Variants in ZNF229 observed in about 807,000 individuals in gnomAD.
ZNF229 encodes the protein zinc finger protein 229.
A neutral mutation model predicts 11.8 loss-of-function variants in ZNF229; 10 were observed. The observed-to-expected ratio is 0.85, with a 90% CI of 0.52 to 1.44. The LOEUF (loss-of-function observed/expected upper bound fraction) is 1.44, where lower values mean the gene tolerates loss of function less well. ZNF229 is among the 40% of genes most tolerant of loss of function. The probability of loss-of-function intolerance (pLI) is 0.00; values close to 1 mark genes in which losing one functional copy is unlikely to be tolerated. For synonymous variants in ZNF229, 368 were observed against 374.8 expected (o/e 0.98, Z 0.21); for missense variants, 1,045 against 1,015.1 (o/e 1.03, Z -0.40).
At chr19:44,436,484 A>C (rs998774648) in intron 4 of ZNF229, among the ~76,000 whole-genome samples, 4 of 152,184 alleles carry the variant, frequency 2.6e-5, no homozygotes, top group Non-Finnish European at 4.4e-5. Flanking sequence ...TCTAAATTTC[A>C]AAAGTAGGTG....
In ZNF229 at chr19:44,427,006, A is replaced by C. The variant is rs1017826006; in HGVS notation, c.*1297T>G. On this transcript the variant is annotated 3_prime_UTR_variant, in exon 6 of 6. Transcript: ENST00000614049. Reference sequence around the variant, plus strand: ...AAACTTAGTCATGGCAGAACGCAAAAGAGAAATAAGGACCTTCTTCACAAG... The same window carrying C: ...AAACTTAGTCATGGCAGAACGCAAACGAGAAATAAGGACCTTCTTCACAAG... 1 of 152,126 alleles carries C rather than the reference A, an allele frequency of 6.6e-6. No individual in the cohort carries two copies. Among genetic ancestry groups the C allele is most frequent in the African/African-American group, 2.4e-5 (1 of 41,404 alleles). The allele number at this position is 152,126 out of a possible 1,614,324, so 9.4% of individuals were successfully genotyped here.
chr19:44,440,383 A>C (rs191272440), intron 4 of ZNF229, among the ~76,000 whole-genome samples: 1 of 152,208 alleles, frequency 6.6e-6, no homozygotes. Flanking sequence ...CAGAAGTTAC[A>C]CCATTTATCC....
rs200343443 is a variant in ZNF229, at chr19:44,430,163, G to A, written c.618C>T (p.Leu206=). ...LGDVQERCKN[L]DTEDTVYKCN... ...ATTTATATACTGTGTCTTCTGTGTC[G>A]AGATTTTTACATCTTTCTTGAACAT... Residue 206 remains leucine (L), a synonymous_variant, in exon 6 of 6, where the codon CTC becomes CTT. Coordinates refer to ENST00000614049, the MANE Select transcript of ZNF229 (RefSeq NM_014518.4). The A allele has an allele frequency of 2.0e-4, 328 of 1,613,990 alleles. No individual in the cohort carries two copies. The highest frequency in any genetic ancestry group is 9.7e-4 in the African/African-American group (73 of 74,962).
intron 4 of ZNF229, among the ~76,000 whole-genome samples, chr19:44,441,227 G>C (rs907719601): frequency 1.3e-5 from 2 of 152,076 alleles, no homozygotes; most frequent in South Asian, 4.1e-4. Context: ...AACTTATGGT[G>C]ACGAATCAGA....
In ZNF229 at chr19:44,442,902, T is replaced by A. The variant is rs1600032394; in HGVS notation, c.-55A>T. 1.6e-5 allele frequency: 25 copies of A among 1,604,598 alleles called. No individual in the cohort carries two copies. The East Asian group carries it at 5.3e-4, about 34-fold the overall frequency. On this transcript the variant is annotated 5_prime_UTR_variant, in exon 3 of 6. Transcript: ENST00000614049. ...GCAGCAACTGTATTTATTCTCTGGT[T>A]TTCCTAAGCTGGAGACGCAGAAGAT...
At chr19:44,440,831 C>T (rs1204236913) in intron 4 of ZNF229, among the ~76,000 whole-genome samples, 1 of 151,782 alleles carries the variant, frequency 6.6e-6, no homozygotes, top group African/African-American at 2.4e-5. Context: ...CTCAAGCAAT[C>T]CTCCCACTTC....
intron 2 of ZNF229, among the ~76,000 whole-genome samples, chr19:44,443,521 TAA>T (rs549118652): frequency 1.3e-5 from 2 of 152,276 alleles, no homozygotes; most frequent in South Asian, 4.1e-4. Flanking sequence ...CTACTGAGAA[TAA>T]AGTTTTAAAT....
intron 2 of ZNF229, among the ~76,000 whole-genome samples, chr19:44,446,786 G>A (rs888696558): frequency 6.6e-6 from 1 of 152,132 alleles, no homozygotes; most frequent in Non-Finnish European, 1.5e-5. Context: ...GTGACCTTTG[G>A]TTGCAAAAAG....
rs1599999625 is a variant in ZNF229, at chr19:44,427,236, C to T, written c.*1067G>A. On this transcript the variant is annotated 3_prime_UTR_variant, in exon 6 of 6. Coordinates refer to ENST00000614049, the MANE Select transcript of ZNF229 (RefSeq NM_014518.4). Reference sequence around the variant, plus strand: ...GCCAAACCATATCAGACTGTTTCTACAACCCCCCCCCCCGCCCCCACTGAT... The same window carrying T: ...GCCAAACCATATCAGACTGTTTCTATAACCCCCCCCCCCGCCCCCACTGAT... 1.1e-5 allele frequency: 1 copy of T among 88,386 alleles called. No individual in the cohort carries two copies. The highest frequency in any genetic ancestry group is 2.4e-5 in the Non-Finnish European group (1 of 42,114). 5.5% of individuals were successfully genotyped at this position (88,386 alleles called of 1,614,324 possible).
intron 2 of ZNF229, among the ~76,000 whole-genome samples, chr19:44,445,375 C>T (rs753409166): frequency 6.7e-6 from 1 of 148,576 alleles, no homozygotes; most frequent in Non-Finnish European, 1.5e-5. Context: ...TACTCAAAAC[C>T]TTGCACCAAG....
intron 2 of ZNF229, among the ~76,000 whole-genome samples, chr19:44,447,217 G>T (rs965897672): frequency 6.6e-6 from 1 of 152,194 alleles, no homozygotes; most frequent in African/African-American, 2.4e-5. Flanking sequence ...CTGGCATATA[G>T]TAAGCACTCA....
In ZNF229 at chr19:44,428,786, A is replaced by G; in HGVS notation, c.1995T>C (p.Phe665=). Residue 665 remains phenylalanine (F), a synonymous_variant, in exon 6 of 6, where the codon TTT becomes TTC. Transcript: ENST00000614049. ...PYRCQECGKG[F]RCTSSLHKHQ... ...GTTTGTGAAGGCTTGATGTGCACCT[A>G]AAGCCCTTTCCGCACTCTTGGCATC... The G allele has an allele frequency of 1.2e-6, 2 of 1,612,982 alleles. No individual in the cohort carries two copies. The highest frequency in any genetic ancestry group is 1.3e-5 in the African/African-American group (1 of 74,790).
In ZNF229 at chr19:44,429,940, G is replaced by T; in HGVS notation, c.841C>A (p.Pro281Thr). Residue 281 changes from proline to threonine, a missense_variant, in exon 6 of 6, where the codon CCC becomes ACC. By Grantham distance (38) the Pro-to-Thr change is conservative (BLOSUM62 -1). Coordinates refer to ENST00000614049, the MANE Select transcript of ZNF229 (RefSeq NM_014518.4). ...RNGFRDDADL[P>T]PHPRVPLKEK... ...TTCAAAGGTACTCTTGGATGCGGGG[G>T]AAGGTCTGCATCGTCCCTGAAGCCA... 2 of 1,614,032 alleles carry T rather than the reference G, an allele frequency of 1.2e-6. No individual in the cohort carries two copies.
Position 44,428,981 on chromosome 19 carries a change from G to A in ZNF229, c.1800C>T (p.Tyr600=), listed in dbSNP as rs536903685. The change falls in exon 6 of 6, where the codon TAC becomes TAT. Residue 600 remains tyrosine (Y), a synonymous_variant. Coordinates refer to ENST00000614049, the MANE Select transcript of ZNF229 (RefSeq NM_014518.4). The part of the protein sequence containing the change: ...HQRVHTGERP[Y]VCDVCGKGFI... ...AACCCTTCCCACACACGTCACACACGTAGGGCCTCTCTCCCGTGTGGACCC... is the reference window on the plus strand; with the variant it reads ...AACCCTTCCCACACACGTCACACACATAGGGCCTCTCTCCCGTGTGGACCC... 25 of 1,612,292 alleles carry A rather than the reference G, an allele frequency of 1.6e-5. No homozygotes were observed. The highest frequency in any genetic ancestry group is 9.9e-5 in the South Asian group (9 of 90,934).
At chr19:44,448,120 G>C (rs933469862) in intron 1 of ZNF229, among the ~76,000 whole-genome samples, 189 bp downstream of exon 1, 11 of 152,218 alleles carry the variant, frequency 7.2e-5, no homozygotes, top group African/African-American at 2.7e-4. Flanking sequence ...CGGCTACCCT[G>C]AGAAAATTCA....
chr19:44,429,038 G>C lies in ZNF229; in HGVS notation c.1743C>G (p.Phe581Leu), dbSNP rs1037092346. The C allele has an allele frequency of 1.2e-6, 2 of 1,613,170 alleles. No homozygotes were observed. The highest frequency in any genetic ancestry group is 1.7e-6 in the Non-Finnish European group (2 of 1,179,728). ...PYKCSECGKG[F>L]RRNSDLHSHQ... is the part of the protein sequence containing the mutation. ...GGCTGTGAAGGTCTGAATTCCGCCG[G>C]AAGCCCTTCCCACACTCACTGCATT... is the stretch of plus-strand genomic sequence containing the variant. Residue 581 changes from phenylalanine (F) to leucine (L), a missense_variant, in exon 6 of 6, where the codon TTC (phenylalanine) becomes TTG (leucine). By Grantham distance (22) the Phe-to-Leu change is conservative. Coordinates refer to ENST00000614049, the MANE Select transcript of ZNF229 (RefSeq NM_014518.4).
chr19:44,445,328 A>ATAAACTCATAGTCTTCTCTGG (rs1555727833), intron 2 of ZNF229, among the ~76,000 whole-genome samples: 3 of 152,054 alleles, frequency 2.0e-5, no homozygotes, highest in African/African-American at 7.3e-5. Flanking sequence ...TTTTAAAAAT[A>ATAAACTCATAGTCTTCTCTGG]TAAACTCATA....
chr19:44,429,418 G>C lies in ZNF229; in HGVS notation c.1363C>G (p.His455Asp). 6.2e-7 allele frequency: 1 copy of C among 1,613,954 alleles called. No homozygotes were observed. The highest frequency in any genetic ancestry group is 8.5e-7 in the Non-Finnish European group (1 of 1,180,004). ...CAGCTGTAGGGCTTTTCTCCAGGGT[G>C]AATGTGCTGGTGTTTGTGCAGTGCA... ...KSALHKHQHI[H>D]PGEKPYSCGE... is the part of the protein sequence containing the mutation. The change falls in exon 6 of 6, where the codon CAC (histidine) becomes GAC (aspartate). Residue 455 changes from histidine (H) to aspartate (D), a missense_variant. Physicochemically the swap from His to Asp is moderately conservative, Grantham distance 81. Coordinates refer to ENST00000614049, the MANE Select transcript of ZNF229 (RefSeq NM_014518.4).
chr19:44,430,162 C>T lies in ZNF229; in HGVS notation c.619G>A (p.Asp207Asn), dbSNP rs769539747. The change falls in exon 6 of 6, where the codon GAC (aspartate) becomes AAC (asparagine). Residue 207 changes from aspartate (D) to asparagine (N), a missense_variant. Transcript: ENST00000614049. ...GDVQERCKNL[D>N]TEDTVYKCNW... ...CATTTATATACTGTGTCTTCTGTGT[C>T]GAGATTTTTACATCTTTCTTGAACA... is the stretch of plus-strand genomic sequence containing the variant. 1.8e-5 allele frequency: 29 copies of T among 1,614,018 alleles called. No individual in the cohort carries two copies. The highest frequency in any genetic ancestry group is 1.1e-4 in the East Asian group (5 of 44,872).
Sources: allele counts gnomAD v4.1 joint callset (sites outside exome capture counted in the v4.1 genomes callset), GRCh38; gene constraint gnomAD v4.1.1; transcripts MANE v1.5; gene names NCBI Gene and HGNC (gene_info 2026-07-23, HGNC 2026-07-21).